Variants in THSD4 observed in about 807,000 individuals in gnomAD.
The protein encoded by THSD4 is thrombospondin type 1 domain containing 4.
Under a neutral mutation model 119.0 loss-of-function variants are expected in THSD4, and 69 were observed. That is an observed-to-expected ratio of 0.58 (90% CI 0.48 to 0.71). The LOEUF (loss-of-function observed/expected upper bound fraction) is 0.71. Among genes scored for constraint, THSD4 ranks in the 30% least tolerant of loss-of-function variants. The pLI is 0.00. For synonymous variants in THSD4, 524 were observed against 540.4 expected, an observed-to-expected ratio of 0.97 and a Z score of 0.42; for missense variants, 1,393 against 1,391.1, an observed-to-expected ratio of 1.00 and a Z score of -0.02.
At chr15:71,768,277 C>CAAAAAAAAAACA (rs112135859) in intron 16 of THSD4, among the ~76,000 whole-genome samples, 28 of 49,408 alleles carry the variant, frequency 5.7e-4, no homozygotes, top group Middle Eastern at 0.015. Flanking sequence ...CAAAAAAAAC[C>CAAAAAAAAAACA]AAAAAAAAAC....
intron 6 of THSD4, among the ~76,000 whole-genome samples, chr15:71,385,179 A>C (rs542769399): frequency 1.7e-4 from 26 of 152,200 alleles, no homozygotes; most frequent in Non-Finnish European, 3.2e-4. Flanking sequence ...TCAGTTAAAA[A>C]AAAATTGCTC....
intron 6 of THSD4, among the ~76,000 whole-genome samples, chr15:71,377,488 G>C (rs1190289881): frequency 6.6e-6 from 1 of 152,106 alleles, no homozygotes; most frequent in African/African-American, 2.4e-5. Flanking sequence ...AGTAGAATCA[G>C]GGAAGGAACA....
In THSD4 at chr15:71,702,955, C is replaced by T. The variant is rs114750292; in HGVS notation, c.1358-25594C>T. ...TTTGAGTGAATGAGCAAATCTGACA[C>T]CTAGTTTTGAAAGGTTTCTGACCCC... On this transcript the variant is annotated intron_variant, in intron 8 of 17. Coordinates refer to ENST00000261862, the MANE Select transcript of THSD4 (RefSeq NM_024817.3). Among the ~76,000 whole-genome samples, 1,249 of 150,922 alleles carry T rather than the reference C, an allele frequency of 8.3e-3. 27 individuals are homozygous for T. The highest frequency in any genetic ancestry group is 0.028 in the African/African-American group (1,167 of 41,194).
chr15:71,144,345 A>C (rs574825536), intron 2 of THSD4, among the ~76,000 whole-genome samples: 55 of 152,304 alleles, frequency 3.6e-4, no homozygotes, highest in African/African-American at 1.3e-3. Context: ...AATGCTTTTC[A>C]GAATGTTATG....
intron 3 of THSD4, among the ~76,000 whole-genome samples, chr15:71,200,361 C>T (rs553444143): frequency 9.2e-5 from 14 of 152,204 alleles, no homozygotes; most frequent in African/African-American, 3.1e-4. Context: ...TATGGCTCAG[C>T]GTGCTTTGTC....
intron 7 of THSD4, among the ~76,000 whole-genome samples, chr15:71,650,809 A>G (rs889366029): frequency 1.3e-5 from 2 of 152,212 alleles, no homozygotes; most frequent in Non-Finnish European, 2.9e-5. Context: ...CCTGGTGCTC[A>G]TTAAAACAGC....
chr15:71,736,815 T>C (rs1216064025), intron 10 of THSD4, among the ~76,000 whole-genome samples: 1 of 152,252 alleles, frequency 6.6e-6, no homozygotes, highest in Non-Finnish European at 1.5e-5. Flanking sequence ...TAGCAGCTTT[T>C]GTTTTCTGTC....
chr15:71,612,207 C>T (rs934919866), intron 7 of THSD4, among the ~76,000 whole-genome samples: 1 of 152,118 alleles, frequency 6.6e-6, no homozygotes. Context: ...GACCTGACAT[C>T]TTTGTGCTTT....
chr15:71,528,628 C>G (rs779305751), intron 7 of THSD4, among the ~76,000 whole-genome samples: 9 of 152,196 alleles, frequency 5.9e-5, no homozygotes, highest in Non-Finnish European at 1.3e-4. Flanking sequence ...GGTTCTTTTC[C>G]TTGCCTCCCT....
chr15:71,743,100 C>G (rs550448309), intron 11 of THSD4, among the ~76,000 whole-genome samples: 2 of 151,674 alleles, frequency 1.3e-5, no homozygotes, highest in South Asian at 4.2e-4. Flanking sequence ...TTCCCACCTT[C>G]AGAGAGCCAG....
At chr15:71,444,443 TTA>T (rs1486896507) in intron 7 of THSD4, among the ~76,000 whole-genome samples, 1 of 152,236 alleles carries the variant, frequency 6.6e-6, no homozygotes, top group African/African-American at 2.4e-5. Context: ...AATGTAACTC[TTA>T]GTCAGAAGAC....
chr15:71,651,704 A>G (rs1426185961), intron 7 of THSD4, among the ~76,000 whole-genome samples: 1 of 152,098 alleles, frequency 6.6e-6, no homozygotes, highest in Non-Finnish European at 1.5e-5. Context: ...CCTTAACAAC[A>G]TGGCAGAAAC....
At chr15:71,758,195 C>G in intron 15 of THSD4, 120 bp downstream of exon 15, 1 of 1,207,348 alleles carries the variant, frequency 8.3e-7, no homozygotes, top group Non-Finnish European at 1.1e-6. Flanking sequence ...GTGCCACTGT[C>G]TATCTGTGAC....
intron 6 of THSD4, among the ~76,000 whole-genome samples, chr15:71,297,613 C>A (rs1051402738): frequency 5.9e-5 from 9 of 152,108 alleles, no homozygotes; most frequent in African/African-American, 2.2e-4. Context: ...GGATTACAGA[C>A]GTGAGCTACC....
rs1209797444 is a variant in THSD4, at chr15:71,325,087, G to A, written c.1015+68372G>A. The stretch of plus-strand genomic sequence containing the variant: ...TGTAGAGCATTTTTTCATGTTTGTC[G>A]GCCATTTGTATATCTTCTTTAAAGA... On this transcript the variant is annotated intron_variant, in intron 6 of 17. Coordinates refer to ENST00000261862, the MANE Select transcript of THSD4 (RefSeq NM_024817.3). Among the ~76,000 whole-genome samples, 5 of 151,900 alleles carry A rather than the reference G, an allele frequency of 3.3e-5. No homozygotes were observed. In the South Asian group the frequency reaches 6.2e-4, roughly 19 times the overall value.
intron 6 of THSD4, among the ~76,000 whole-genome samples, chr15:71,279,637 C>T (rs975143124): frequency 6.6e-6 from 1 of 152,188 alleles, no homozygotes; most frequent in Admixed American, 6.5e-5. Flanking sequence ...CCTCTGCAGC[C>T]TCTGCCTGTC....
intron 7 of THSD4, among the ~76,000 whole-genome samples, chr15:71,538,166 C>T (rs973130226): frequency 5.3e-5 from 8 of 152,088 alleles, no homozygotes; most frequent in African/African-American, 1.2e-4. Context: ...CATTATAGCT[C>T]TGCTTAAAAA....
Position 71,482,351 on chromosome 15 carries a change from C to T in THSD4, c.1152+70528C>T, listed in dbSNP as rs550613835. Among the ~76,000 whole-genome samples, 16 of 148,268 alleles carry T rather than the reference C, an allele frequency of 1.1e-4. No individual in the cohort carries two copies. The East Asian group carries it at 2.0e-3, about 19-fold the overall frequency. ...TGTTGCCCAGGCTGGAGTGCAGTGG[C>T]ACGATCTCGGCTCACTGCAAGCTCC... On this transcript the variant is annotated intron_variant, in intron 7 of 17. Coordinates refer to ENST00000261862, the MANE Select transcript of THSD4 (RefSeq NM_024817.3).
At chr15:71,525,345 G>C (rs7178717) in intron 7 of THSD4, among the ~76,000 whole-genome samples, 13 of 152,032 alleles carry the variant, frequency 8.6e-5, no homozygotes, top group Non-Finnish European at 1.8e-4. Flanking sequence ...TGTTAAAACC[G>C]ACACTCATAA....
Sources: gnomAD v4.1 joint callset for allele counts (sites outside exome capture counted in the v4.1 genomes callset) on GRCh38, gnomAD v4.1.1 for gene constraint, MANE v1.5 for transcripts, NCBI Gene and HGNC (gene_info 2026-07-23, HGNC 2026-07-21) for gene names.